The following SRD5A2 variants were observed in gnomAD, a reference collection of about 807,000 sequenced individuals.
The protein encoded by SRD5A2 is 3-oxo-5-alpha-steroid 4-dehydrogenase 2.
SRD5A2 carries 30 observed loss-of-function variants against 27.4 expected under a neutral mutation model. The ratio of observed to expected loss-of-function variants is 1.10; its 90% CI spans 0.82 to 1.49. SRD5A2 has a LOEUF of 1.49. Among genes scored for constraint, SRD5A2 ranks in the 40% most tolerant of loss-of-function variants. The pLI is 0.00. For missense variants in SRD5A2, 348 were observed against 323.4 expected, an observed-to-expected ratio of 1.08 and a Z score of -0.58; for synonymous variants, 141 against 133.6, an observed-to-expected ratio of 1.06 and a Z score of -0.38.
At chr2:31,572,758 G>A (rs562865377) in intron 1 of SRD5A2, among the ~76,000 whole-genome samples, 2 of 152,304 alleles carry the variant, frequency 1.3e-5, no homozygotes, top group Non-Finnish European at 1.5e-5. Context: ...AGAGGCAAGA[G>A]AGAACCAGAG....
chr2:31,611,902 T>C, the SRD5A2 span, among the ~76,000 whole-genome samples: 1 of 152,134 alleles, frequency 6.6e-6, no homozygotes, highest in African/African-American at 2.4e-5. Context: ...AACTGGAAAC[T>C]ACTCAACTAT....
chr2:31,550,379 G>A (rs1297019543), intron 1 of SRD5A2, among the ~76,000 whole-genome samples: 1 of 149,968 alleles, frequency 6.7e-6, no homozygotes, highest in Non-Finnish European at 1.5e-5. Flanking sequence ...ATTTTATAAA[G>A]CTTGTATTAC....
the SRD5A2 span, among the ~76,000 whole-genome samples, chr2:31,625,329 T>C: frequency 1.3e-5 from 2 of 152,222 alleles, no homozygotes; most frequent in Admixed American, 6.5e-5. Flanking sequence ...ACTCTGATGG[T>C]AGTTTCTTTT....
the SRD5A2 span, among the ~76,000 whole-genome samples, chr2:31,653,361 T>A: frequency 1.2e-4 from 18 of 152,320 alleles, no homozygotes; most frequent in African/African-American, 4.1e-4. Context: ...GGACTGCTCA[T>A]TTACACCTTA....
chr2:31,648,335 A>G, the SRD5A2 span, among the ~76,000 whole-genome samples: 1 of 152,186 alleles, frequency 6.6e-6, no homozygotes, highest in Non-Finnish European at 1.5e-5. Context: ...GAAGAGACAC[A>G]ATTTTTTCAG....
At chr2:31,644,389 A>G in the SRD5A2 span, among the ~76,000 whole-genome samples, 1 of 152,212 alleles carries the variant, frequency 6.6e-6, no homozygotes, top group Non-Finnish European at 1.5e-5. Context: ...AGGAATACCT[A>G]TAAAGCGTTG....
At chr2:31,611,753 A>AT in the SRD5A2 span, among the ~76,000 whole-genome samples, 1 of 152,140 alleles carries the variant, frequency 6.6e-6, no homozygotes, top group Non-Finnish European at 1.5e-5. Flanking sequence ...CTGTTTGGCT[A>AT]TTTTTTATAC....
chr2:31,558,144 C>T lies in SRD5A2; in HGVS notation c.281+22476G>A, dbSNP rs1196586944. 2.0e-5 allele frequency among the ~76,000 whole-genome samples: 3 copies of T among 152,210 alleles called. No homozygotes were observed. The East Asian group carries it at 5.8e-4, about 29-fold the overall frequency. The stretch of plus-strand genomic sequence containing the variant: ...TACTTGAAGAGAATCTGAACCCCTA[C>T]TTGGCCAGACCTTTAGTGTAGGAAA... On this transcript the variant is annotated intron_variant, in intron 1 of 4. Transcript: ENST00000622030.
At chr2:31,649,769 G>A in the SRD5A2 span, among the ~76,000 whole-genome samples, 9 of 151,936 alleles carry the variant, frequency 5.9e-5, no homozygotes, top group African/African-American at 1.9e-4. Flanking sequence ...TGGAAGTTTT[G>A]TCCCAAGCCA....
In SRD5A2 at chr2:31,531,398, C is replaced by T. The variant is rs888553241; in HGVS notation, c.520G>A (p.Gly174Arg). 1.9e-6 allele frequency: 3 copies of T among 1,592,890 alleles called. No homozygotes were observed. The highest frequency in any genetic ancestry group is 2.3e-5 in the East Asian group (1 of 44,212). ...TGTGGAATCCTGTAGCTGATTTCTCCAGGCTTCCTGAGCTGGCGCAATATA... is the reference window on the plus strand; with the variant it reads ...TGTGGAATCCTGTAGCTGATTTCTCTAGGCTTCCTGAGCTGGCGCAATATA... The part of the protein sequence containing the change: ...DYILRQLRKP[G>R]EISYRIPQGG... The change falls in exon 3 of 5, where the codon GGA (glycine) becomes AGA (arginine). Residue 174 changes from glycine (G) to arginine (R), a missense_variant. By Grantham distance (125) the Gly-to-Arg change is moderately radical. Transcript: ENST00000622030.
At chr2:31,613,767 G>A in the SRD5A2 span, among the ~76,000 whole-genome samples, 1 of 152,150 alleles carries the variant, frequency 6.6e-6, no homozygotes, top group Non-Finnish European at 1.5e-5. Context: ...AGTTCCACAT[G>A]GCTGGGGAGT....
intron 1 of SRD5A2, among the ~76,000 whole-genome samples, chr2:31,573,461 A>G (rs1359070551): frequency 1.3e-5 from 2 of 152,240 alleles, no homozygotes; most frequent in African/African-American, 4.8e-5. Context: ...TGATGTCCCC[A>G]TTGCCATACA....
intron 1 of SRD5A2, among the ~76,000 whole-genome samples, chr2:31,536,403 T>C (rs1418039994): frequency 1.3e-5 from 2 of 152,220 alleles, no homozygotes; most frequent in Non-Finnish European, 2.9e-5. Context: ...CTTCTGCATC[T>C]ATCCAGCAGG....
At chr2:31,635,120 C>T in the SRD5A2 span, among the ~76,000 whole-genome samples, 1 of 152,192 alleles carries the variant, frequency 6.6e-6, no homozygotes, top group East Asian at 1.9e-4. Context: ...CTGTTCTCCA[C>T]AGTGTCTGTA....
the SRD5A2 span, among the ~76,000 whole-genome samples, chr2:31,608,140 T>A: frequency 6.6e-6 from 1 of 152,110 alleles, no homozygotes; most frequent in African/African-American, 2.4e-5. Flanking sequence ...AGACATCATA[T>A]AACTGTTTAT....
chr2:31,583,073 G>A (rs1449732374), upstream of SRD5A2, among the ~76,000 whole-genome samples: 1 of 152,102 alleles, frequency 6.6e-6, no homozygotes, highest in African/African-American at 2.4e-5. Context: ...TGCATCTGTG[G>A]GTTGGCTGTG....
At chr2:31,526,548 A>G (rs1409593344) in intron 4 of SRD5A2, among the ~76,000 whole-genome samples, 1 of 152,172 alleles carries the variant, frequency 6.6e-6, no homozygotes, top group African/African-American at 2.4e-5. Context: ...AAAAACGGCT[A>G]AAGTGGTAAA....
chr2:31,634,909 G>C, the SRD5A2 span, among the ~76,000 whole-genome samples: 1 of 152,076 alleles, frequency 6.6e-6, no homozygotes, highest in African/African-American at 2.4e-5. Flanking sequence ...GGTATATGTA[G>C]CACATTTTCT....
intron 2 of SRD5A2, 90 bp downstream of exon 2, chr2:31,533,513 G>C: frequency 8.4e-7 from 1 of 1,196,122 alleles, no homozygotes; most frequent in Non-Finnish European, 1.2e-6. Context: ...TCATTACGAG[G>C]TCATTGCAGT....
Sources: allele counts gnomAD v4.1 joint callset (sites outside exome capture counted in the v4.1 genomes callset), GRCh38; gene constraint gnomAD v4.1.1; transcripts MANE v1.5; gene names NCBI Gene and HGNC (gene_info 2026-07-23, HGNC 2026-07-21).